The following CTCFL variants were observed in gnomAD, a reference collection of about 807,000 sequenced individuals.
CTCFL encodes the protein CCCTC-binding factor like, also known as transcriptional repressor CTCFL.
CTCFL carries 36 observed loss-of-function variants against 67.4 expected under a neutral mutation model. The ratio of observed to expected loss-of-function variants is 0.53; its 90% CI spans 0.41 to 0.71. The LOEUF is 0.71. Among genes scored for constraint, CTCFL ranks in the 30% least tolerant of loss-of-function variants. The probability of loss-of-function intolerance (pLI) is 0.00; values close to 1 mark genes in which losing one functional copy is unlikely to be tolerated. For missense variants in CTCFL, 786 were observed against 835.2 expected, an observed-to-expected ratio of 0.94 and a Z score of 0.73; for synonymous variants, 324 against 302.3, an observed-to-expected ratio of 1.07 and a Z score of -0.75.
chr20:57,500,405 T>C lies in CTCFL; in HGVS notation c.1841-1704A>G, dbSNP rs2067856190. 1.9e-5 allele frequency: 4 copies of C among 205,964 alleles called. 2 individuals are homozygous for C. The South Asian group carries it at 2.0e-4, about 10-fold the overall frequency. The allele number at this position is 205,964 out of a possible 1,614,324, so 12.8% of individuals were successfully genotyped here. A position where few individuals can be genotyped will look rare whatever the true frequency, so the allele number is the denominator to read the frequency against. Reference sequence around the variant, plus strand: ...AGGCAGAGGTTGCGGTGAGCTGAGATCACACCTGGAGTATAAAGTGAAACT... The same window carrying C: ...AGGCAGAGGTTGCGGTGAGCTGAGACCACACCTGGAGTATAAAGTGAAACT... On this transcript the variant is annotated intron_variant, in intron 10 of 10. Transcript: ENST00000243914.
chr20:57,499,127 A>T (rs935209815), intron 10 of CTCFL, among the ~76,000 whole-genome samples: 2 of 146,876 alleles, frequency 1.4e-5, no homozygotes, highest in African/African-American at 4.9e-5. Context: ...CAGCTGCTAT[A>T]GGTGAATGTG....
In CTCFL at chr20:57,506,816, G is replaced by A. The variant is rs372201250; in HGVS notation, c.1674+1790C>T. The A allele has an allele frequency of 9.2e-5, 91 of 984,778 alleles. No individual in the cohort carries two copies. The South Asian group carries it at 3.4e-3, about 37-fold the overall frequency. The allele number at this position is 984,778 out of a possible 1,614,324, so 61.0% of individuals were successfully genotyped here. A position where few individuals can be genotyped will look rare whatever the true frequency, so the allele number is the denominator to read the frequency against. On this transcript the variant is annotated intron_variant, in intron 9 of 10. Coordinates refer to ENST00000243914, the MANE Select transcript of CTCFL (RefSeq NM_001386993.1). The stretch of plus-strand genomic sequence containing the variant: ...TTTTTTTCTCTTTAGAATTCTACTC[G>A]TTAATTTTAACTCTTCACAATTTTT...
chr20:57,524,093 T>C lies in CTCFL; in HGVS notation c.113A>G (p.Glu38Gly). The C allele has an allele frequency of 6.2e-7, 1 of 1,613,752 alleles. No homozygotes were observed. Among genetic ancestry groups the C allele is most frequent in the Non-Finnish European group, 8.5e-7 (1 of 1,179,992 alleles). The change falls in exon 2 of 11, where the codon GAG becomes GGG. Residue 38 changes from glutamate to glycine, a missense_variant. By Grantham distance (98) the Glu-to-Gly change is moderately conservative. Coordinates refer to ENST00000243914, the MANE Select transcript of CTCFL (RefSeq NM_001386993.1). The part of the protein sequence containing the change: ...KEEEKDGVCR[E>G]KDHRSPSELE... Reference sequence around the variant, plus strand: ...CTCACTAGGGCTCCGATGGTCTTTCTCTCTGCACACTCCGTCTTTTTCCTC... The same window carrying C: ...CTCACTAGGGCTCCGATGGTCTTTCCCTCTGCACACTCCGTCTTTTTCCTC...
chr20:57,503,485 C>G lies in CTCFL; in HGVS notation c.1791G>C (p.Lys597Asn), dbSNP rs370454720. ...RKQTILKEAT[K>N]GQKEAAKGWK... Reference sequence around the variant, plus strand: ...ATCCCTTCGCAGCTTCCTTCTGACCCTTTGTGGCTTCCTTCAGGATGGTCT... The same window carrying G: ...ATCCCTTCGCAGCTTCCTTCTGACCGTTTGTGGCTTCCTTCAGGATGGTCT... Residue 597 changes from lysine to asparagine, a missense_variant, in exon 10 of 11, where the codon AAG (lysine) becomes AAC (asparagine). Physicochemically the swap from Lys to Asn is moderately conservative, Grantham distance 94 (BLOSUM62 0). Transcript: ENST00000243914. The G allele has an allele frequency of 1.9e-6, 3 of 1,614,088 alleles. No individual in the cohort carries two copies. Among genetic ancestry groups the G allele is most frequent in the Non-Finnish European group, 2.5e-6 (3 of 1,180,042 alleles).
chr20:57,517,361 C>A (rs13044868), intron 5 of CTCFL, among the ~76,000 whole-genome samples: 4,650 of 150,342 alleles, frequency 0.031, 113 homozygotes, highest in Non-Finnish European at 0.047. Flanking sequence ...ACTGGAACCT[C>A]TGCTTCCCAA....
At chr20:57,505,728 T>C (rs1388402679) in intron 9 of CTCFL, among the ~76,000 whole-genome samples, 5 of 152,208 alleles carry the variant, frequency 3.3e-5, no homozygotes, top group Admixed American at 6.5e-5. Context: ...GTGGCAGTTA[T>C]GAAACTGTAT....
intron 3 of CTCFL, among the ~76,000 whole-genome samples, 193 bp downstream of exon 3, chr20:57,522,875 C>T (rs1370023866): frequency 1.3e-5 from 2 of 152,202 alleles, no homozygotes; most frequent in East Asian, 1.9e-4. Context: ...GCTTTCAAAA[C>T]GTTTGTGTGT....
intron 10 of CTCFL, among the ~76,000 whole-genome samples, chr20:57,502,918 A>G (rs978800915): frequency 6.6e-6 from 1 of 152,230 alleles, no homozygotes; most frequent in South Asian, 2.1e-4. Context: ...GCCCACACAC[A>G]GAAGAGAGGA....
chr20:57,511,383 G>A (rs746260276), intron 8 of CTCFL, among the ~76,000 whole-genome samples: 30 of 152,036 alleles, frequency 2.0e-4, no homozygotes, highest in Non-Finnish European at 3.5e-4. Flanking sequence ...ATCTGAAACC[G>A]TGCCAAAGAA....
chr20:57,501,173 C>T (rs114768500), intron 10 of CTCFL, among the ~76,000 whole-genome samples: 2,144 of 152,290 alleles, frequency 0.014, 50 homozygotes, highest in African/African-American at 0.047. Flanking sequence ...GAGCTGGGGA[C>T]GGACCCGATG....
rs963862738 is a variant in CTCFL at position 57,518,879 on chromosome 20, T to C, written c.938A>G (p.Tyr313Cys). 6.2e-7 allele frequency: 1 copy of C among 1,613,284 alleles called. No individual in the cohort carries two copies. Among genetic ancestry groups the C allele is most frequent in the Non-Finnish European group, 8.5e-7 (1 of 1,179,340 alleles). ...HVNTHTGTRPYKCNDCNMAFV... is the reference protein window; with the variant it reads ...HVNTHTGTRPCKCNDCNMAFV... Reference sequence around the variant, plus strand: ...TGCCATGTTGCAGTCGTTACACTTGTAGGGCCTGGTTCCTGTAAAATCACA... The same window carrying C: ...TGCCATGTTGCAGTCGTTACACTTGCAGGGCCTGGTTCCTGTAAAATCACA... The change falls in exon 5 of 11, where the codon TAC (tyrosine) becomes TGC (cysteine). Residue 313 changes from tyrosine (Y) to cysteine (C), a missense_variant. This residue lies in a region of CTCFL where 254 missense variants were observed against 333.9 expected (regional missense o/e 0.76). Transcript: ENST00000243914.
chr20:57,516,334 T>A (rs1008496380), intron 5 of CTCFL, among the ~76,000 whole-genome samples: 1 of 152,070 alleles, frequency 6.6e-6, no homozygotes, highest in Non-Finnish European at 1.5e-5. Flanking sequence ...GCTGAGGAGT[T>A]TGAGACCAGC....
At position 57,519,246 on chromosome 20, in the gene CTCFL, T is replaced by C. The variant is rs1177439258; in HGVS notation, c.886A>G (p.Thr296Ala). The C allele has an allele frequency of 1.2e-6, 2 of 1,614,040 alleles. No individual in the cohort carries two copies. Among genetic ancestry groups the C allele is most frequent in the Non-Finnish European group, 8.5e-7 (1 of 1,180,042 alleles). The change falls in exon 4 of 11, where the codon ACG becomes GCG. Residue 296 changes from threonine (T) to alanine (A), a missense_variant. Thr to Ala is a moderately conservative substitution (Grantham distance 58, BLOSUM62 0). Coordinates refer to ENST00000243914, the MANE Select transcript of CTCFL (RefSeq NM_001386993.1). The part of the protein sequence containing the change: ...LCHLCLKTFR[T>A]VTLLRNHVNT... The stretch of plus-strand genomic sequence containing the variant: ...ACATGGTTCCGCAGCAGAGTGACCG[T>C]ACGGAAGGTTTTCAGGCAGAGGTGA...
In CTCFL at chr20:57,525,045, G is replaced by C. The variant is rs1297977002; in HGVS notation, c.-29C>G. ...CCCCTCACCGCGGAAGGCGTGGCCGGAATGCTCGGCCCACTCCGTCTTTGG... is the reference window on the plus strand; with the variant it reads ...CCCCTCACCGCGGAAGGCGTGGCCGCAATGCTCGGCCCACTCCGTCTTTGG... On this transcript the variant is annotated 5_prime_UTR_variant, in exon 1 of 11. Coordinates refer to ENST00000243914, the MANE Select transcript of CTCFL (RefSeq NM_001386993.1). 6.6e-6 allele frequency: 1 copy of C among 152,116 alleles called. No homozygotes were observed. The highest frequency in any genetic ancestry group is 2.4e-5 in the African/African-American group (1 of 41,360). The allele number at this position is 152,116 out of a possible 1,614,324, so 9.4% of individuals were successfully genotyped here. A position where few individuals can be genotyped will look rare whatever the true frequency, so the allele number is the denominator to read the frequency against.
chr20:57,497,691 T>C lies in CTCFL; in HGVS notation c.*859A>G. On this transcript the variant is annotated 3_prime_UTR_variant, in exon 11 of 11. Transcript: ENST00000243914. Reference sequence around the variant, plus strand: ...TCCTTACAGGTACACATTTGCCTTATCTGATTTTATGTTTCTTCTCACTCT... The same window carrying C: ...TCCTTACAGGTACACATTTGCCTTACCTGATTTTATGTTTCTTCTCACTCT... The C allele has an allele frequency of 1.0e-6, 1 of 985,434 alleles. No individual in the cohort carries two copies. Among genetic ancestry groups the C allele is most frequent in the Non-Finnish European group, 1.2e-6 (1 of 829,884 alleles). The allele number at this position is 985,434 out of a possible 1,614,324, so 61.0% of individuals were successfully genotyped here.
At chr20:57,500,302 A>G in intron 10 of CTCFL, 1 of 681,092 alleles carries the variant, frequency 1.5e-6, no homozygotes, top group Non-Finnish European at 2.1e-6. Context: ...AAATAATAGA[A>G]CAATTAGCCA....
chr20:57,497,128 A>T, downstream of CTCFL: 3 of 496,030 alleles, frequency 6.0e-6, no homozygotes, highest in Non-Finnish European at 7.8e-6. Flanking sequence ...CAGACAAAGA[A>T]GATGTTTTTA....
At chr20:57,524,248 G>GA (rs1483238086) in intron 1 of CTCFL, 32 bp from the exon 2 acceptor site, 1 of 1,573,314 alleles carries the variant, frequency 6.4e-7, no homozygotes, top group Non-Finnish European at 8.6e-7. Flanking sequence ...GGTTTCCATA[G>GA]GGGGGAGAAG....
chr20:57,508,891 G>A, intron 8 of CTCFL, 103 bp from the exon 9 acceptor site: 2 of 1,058,462 alleles, frequency 1.9e-6, no homozygotes, highest in Non-Finnish European at 2.8e-6. Context: ...CCCCAAAGAT[G>A]AGTCCACTAT....
Sources: gnomAD v4.1 joint callset for allele counts (sites outside exome capture counted in the v4.1 genomes callset) on GRCh38, gnomAD v4.1.1 for gene constraint, gnomAD v4.1.1 regional missense constraint, MANE v1.5 for transcripts, NCBI Gene and HGNC (gene_info 2026-07-23, HGNC 2026-07-21) for gene names.